The following XIRP2 variants were observed in gnomAD, a reference collection of about 807,000 sequenced individuals.
XIRP2 encodes xin actin binding repeat containing 2.
A neutral mutation model predicts 277.0 loss-of-function variants in XIRP2; 236 were observed. That is an observed-to-expected ratio of 0.85 (90% CI 0.77 to 0.95). The LOEUF (loss-of-function observed/expected upper bound fraction) is 0.95, where lower values mean the gene tolerates loss of function less well. Ranked by LOEUF, XIRP2 falls within the 40% of genes least tolerant of loss-of-function variation. The pLI, the probability that XIRP2 is intolerant of heterozygous loss-of-function variation, is 0.00. For synonymous variants in XIRP2, 1,490 were observed against 1,416.5 expected, an observed-to-expected ratio of 1.05 and a Z score of -1.17; for missense variants, 4,640 against 4,157.5, an observed-to-expected ratio of 1.12 and a Z score of -3.19.
intron 5 of XIRP2, among the ~76,000 whole-genome samples, chr2:167,218,962 A>T (rs1694338149): frequency 6.6e-6 from 1 of 152,192 alleles, no homozygotes; most frequent in Admixed American, 6.5e-5. Context: ...ATTACACTGT[A>T]AACAGGTGTA....
chr2:166,906,365 C>G (rs1177383957), intron 2 of XIRP2, among the ~76,000 whole-genome samples: 1 of 151,800 alleles, frequency 6.6e-6, no homozygotes, highest in African/African-American at 2.4e-5. Flanking sequence ...AATAGACATA[C>G]ATAAACATAC....
chr2:167,027,426 T>G (rs1320682309), intron 2 of XIRP2, among the ~76,000 whole-genome samples: 1 of 152,134 alleles, frequency 6.6e-6, no homozygotes, highest in Non-Finnish European at 1.5e-5. Context: ...TCAAAAAGTT[T>G]CTAACTTCTT....
intron 3 of XIRP2, among the ~76,000 whole-genome samples, chr2:167,157,814 T>C (rs1038573000): frequency 6.6e-6 from 1 of 152,110 alleles, no homozygotes; most frequent in Non-Finnish European, 1.5e-5. Flanking sequence ...TACAAGCCCA[T>C]GCACTGATAC....
intron 2 of XIRP2, among the ~76,000 whole-genome samples, chr2:166,956,645 A>G (rs1686168914): frequency 6.6e-6 from 1 of 151,860 alleles, no homozygotes; most frequent in Non-Finnish European, 1.5e-5. Context: ...CATAGTCTTC[A>G]TTTCAGTTAA....
intron 2 of XIRP2, among the ~76,000 whole-genome samples, chr2:167,013,764 A>G (rs534882651): frequency 1.5e-4 from 23 of 151,782 alleles, no homozygotes; most frequent in African/African-American, 4.1e-4. Flanking sequence ...CAGAAATGAT[A>G]TAAGGATATC....
chr2:166,965,794 G>T (rs1024022534), intron 2 of XIRP2, among the ~76,000 whole-genome samples: 1 of 151,710 alleles, frequency 6.6e-6, no homozygotes, highest in African/African-American at 2.4e-5. Context: ...TCTTGCTAAG[G>T]TTGGTCTGAA....
At chr2:167,136,319 A>C (rs537822829) in intron 3 of XIRP2, among the ~76,000 whole-genome samples, 2 of 152,292 alleles carry the variant, frequency 1.3e-5, no homozygotes, top group Admixed American at 6.5e-5. Context: ...CATTTTCAGT[A>C]TTAGAGGTTT....
At chr2:166,933,065 T>C (rs914395194) in intron 2 of XIRP2, among the ~76,000 whole-genome samples, 3 of 151,560 alleles carry the variant, frequency 2.0e-5, no homozygotes, top group Non-Finnish European at 4.4e-5. Context: ...ATTTTGTTAA[T>C]CTACACACAC....
intron 2 of XIRP2, among the ~76,000 whole-genome samples, chr2:166,957,900 C>A (rs1686204004): frequency 1.3e-5 from 2 of 151,772 alleles, no homozygotes; most frequent in African/African-American, 4.8e-5. Flanking sequence ...AGTCGATTTC[C>A]TTTTGAAACT....
chr2:167,071,503 C>T (rs1332236616), intron 2 of XIRP2, among the ~76,000 whole-genome samples: 1 of 152,162 alleles, frequency 6.6e-6, no homozygotes, highest in African/African-American at 2.4e-5. Flanking sequence ...GAAAGCTAAA[C>T]TTACCTTATG....
At chr2:167,089,857 T>C (rs1690090312) in intron 2 of XIRP2, among the ~76,000 whole-genome samples, 1 of 152,030 alleles carries the variant, frequency 6.6e-6, no homozygotes, top group South Asian at 2.1e-4. Context: ...TCAAATGCAG[T>C]TTGGTAGTAG....
Position 167,247,533 on chromosome 2 carries a change from T to G in XIRP2, c.6141T>G (p.Ser2047=). The G allele has an allele frequency of 6.2e-7, 1 of 1,613,764 alleles. No homozygotes were observed. Among genetic ancestry groups the G allele is most frequent in the Non-Finnish European group, 8.5e-7 (1 of 1,179,796 alleles). Residue 2047 remains serine (S), a synonymous_variant, in exon 9 of 11, where the codon TCT becomes TCG. Coordinates refer to ENST00000409195, the MANE Select transcript of XIRP2 (RefSeq NM_152381.6). ...TGGAGAAAAGCCTTAGAAGACTATC[T>G]AATTCACACCATAAATCTAATGTTT... ...DALEKSLRRL[S]NSHHKSNVLE...
intron 9 of XIRP2, among the ~76,000 whole-genome samples, chr2:167,252,959 T>C (rs894531627): frequency 1.3e-5 from 2 of 151,874 alleles, no homozygotes; most frequent in African/African-American, 4.8e-5. Context: ...TCAGCTTCTG[T>C]TAAGATAGCT....
chr2:167,251,108 C>T lies in XIRP2; in HGVS notation c.9716C>T (p.Thr3239Ile). ...TRGRDSPPTI[T>I]IPVNINHAAS... ...GGTAGGGACTCTCCACCTACAATCACAATACCAGTAAATATAAATCATGCT... is the reference window on the plus strand; with the variant it reads ...GGTAGGGACTCTCCACCTACAATCATAATACCAGTAAATATAAATCATGCT... Residue 3239 changes from threonine (T) to isoleucine (I), a missense_variant, in exon 9 of 11, where the codon ACA becomes ATA. Thr to Ile is a moderately conservative substitution (Grantham distance 89). Coordinates refer to ENST00000409195, the MANE Select transcript of XIRP2 (RefSeq NM_152381.6). 2 of 1,613,572 alleles carry T rather than the reference C, an allele frequency of 1.2e-6. No individual in the cohort carries two copies. Among genetic ancestry groups the T allele is most frequent in the Non-Finnish European group, 1.7e-6 (2 of 1,179,746 alleles).
At chr2:167,020,374 A>G (rs934325938) in intron 2 of XIRP2, among the ~76,000 whole-genome samples, 2 of 151,984 alleles carry the variant, frequency 1.3e-5, no homozygotes, top group Admixed American at 6.6e-5. Context: ...GAAAAAGCCT[A>G]TTCTTCTAAG....
Position 167,258,490 on chromosome 2 carries a change from A to C in XIRP2, c.*673A>C, listed in dbSNP as rs749037914. 2 of 1,613,322 alleles carry C rather than the reference A, an allele frequency of 1.2e-6. No homozygotes were observed. The highest frequency in any genetic ancestry group is 1.7e-6 in the Non-Finnish European group (2 of 1,179,674). On this transcript the variant is annotated 3_prime_UTR_variant, in exon 11 of 11. Transcript: ENST00000409195. ...ATAGGCCGAGTGAAGCTGAAGACACAAAGAGTAACAGGAAAAGTGCTATGG... is the reference window on the plus strand; with the variant it reads ...ATAGGCCGAGTGAAGCTGAAGACACCAAGAGTAACAGGAAAAGTGCTATGG...
chr2:166,941,379 C>T (rs994287949), intron 2 of XIRP2, among the ~76,000 whole-genome samples: 1 of 152,220 alleles, frequency 6.6e-6, no homozygotes, highest in African/African-American at 2.4e-5. Flanking sequence ...AATTCCCTGA[C>T]CCCTTGCACT....
At chr2:166,940,015 TCTC>T (rs1172014965) in intron 2 of XIRP2, among the ~76,000 whole-genome samples, 1 of 152,224 alleles carries the variant, frequency 6.6e-6, no homozygotes, top group Non-Finnish European at 1.5e-5. Flanking sequence ...TTGGGGAAGT[TCTC>T]CTGGATAATA....
intron 1 of XIRP2, among the ~76,000 whole-genome samples, chr2:166,900,878 G>C (rs983640472): frequency 3.3e-5 from 5 of 152,118 alleles, no homozygotes; most frequent in Non-Finnish European, 7.4e-5. Context: ...TGGGGTAGAA[G>C]TACAGGATCT....
Sources: allele counts gnomAD v4.1 joint callset (sites outside exome capture counted in the v4.1 genomes callset), GRCh38; gene constraint gnomAD v4.1.1; transcripts MANE v1.5; gene names NCBI Gene and HGNC (gene_info 2026-07-23, HGNC 2026-07-21).